Variants in AUTS2 observed in about 807,000 individuals in gnomAD.
AUTS2 encodes activator of transcription and developmental regulator AUTS2, also known as autism susceptibility gene 2 protein.
In AUTS2, 17 loss-of-function variants were observed where a neutral mutation model predicts 112.4. That is an observed-to-expected ratio of 0.15 (90% CI 0.10 to 0.23). AUTS2 has a LOEUF of 0.23. AUTS2 is among the 10% of genes least tolerant of loss of function. The pLI is 1.00. For synonymous variants in AUTS2, 751 were observed against 702.7 expected, an observed-to-expected ratio of 1.07 and a Z score of -1.09; for missense variants, 1,510 against 1,701.6, an observed-to-expected ratio of 0.89 and a Z score of 1.98.
At chr7:70,447,613 G>A (rs1796369162) in intron 5 of AUTS2, among the ~76,000 whole-genome samples, 2 of 152,188 alleles carry the variant, frequency 1.3e-5, no homozygotes, top group Admixed American at 1.3e-4. Flanking sequence ...ACCCAGGTCA[G>A]TGTGGCAGTG....
intron 1 of AUTS2, among the ~76,000 whole-genome samples, chr7:69,665,053 C>G (rs1233645872): frequency 3.9e-5 from 6 of 152,142 alleles, no homozygotes; most frequent in Non-Finnish European, 7.3e-5. Flanking sequence ...TCCCATTTTG[C>G]AAATGGTAAA....
At chr7:69,818,074 G>C (rs1013288208) in intron 1 of AUTS2, among the ~76,000 whole-genome samples, 2 of 152,100 alleles carry the variant, frequency 1.3e-5, no homozygotes, top group African/African-American at 4.8e-5. Flanking sequence ...ATTATTCCTT[G>C]ATGTATGTTG....
chr7:70,790,893 C>T lies in AUTS2; in HGVS notation c.3677C>T (p.Thr1226Met), dbSNP rs755260791. ...ALSAPPPLIS[T>M]LGGRPVSPRR... ...AGCGCACCTCCCCCGCTCATCTCCA[C>T]GCTGGGGGGCCGCCCGGTCTCTCCC... Residue 1226 changes from threonine to methionine, a missense_variant, in exon 19 of 19, where the codon ACG (threonine) becomes ATG (methionine). Thr to Met is a moderately conservative substitution (Grantham distance 81). Transcript: ENST00000342771. This position sits in a 1 kb window ranked among gnomAD's most constrained non-coding sequence, Gnocchi z 7.6. 3 of 1,596,240 alleles carry T rather than the reference C, an allele frequency of 1.9e-6. No homozygotes were observed. The highest frequency in any genetic ancestry group is 1.1e-5 in the South Asian group (1 of 87,760).
chr7:70,280,471 T>A (rs1360299913), intron 4 of AUTS2, among the ~76,000 whole-genome samples: 1 of 135,468 alleles, frequency 7.4e-6, no homozygotes, highest in Non-Finnish European at 1.6e-5. Flanking sequence ...TTTTTTTTTG[T>A]ATTTTTAGCA....
intron 1 of AUTS2, among the ~76,000 whole-genome samples, chr7:69,608,330 C>T (rs1042334680): frequency 1.3e-5 from 2 of 152,178 alleles, no homozygotes; most frequent in South Asian, 2.1e-4. Flanking sequence ...TGAGGGATCT[C>T]ATTTTCCTTG....
chr7:69,786,456 G>C (rs930531426), intron 1 of AUTS2, among the ~76,000 whole-genome samples: 3 of 152,222 alleles, frequency 2.0e-5, no homozygotes, highest in Non-Finnish European at 4.4e-5. Context: ...TAGGACATTG[G>C]TGGGGAAAAA....
intron 1 of AUTS2, among the ~76,000 whole-genome samples, chr7:69,765,928 C>G (rs549723223): frequency 6.6e-6 from 1 of 152,208 alleles, no homozygotes; most frequent in South Asian, 2.1e-4. Context: ...GCCTGGCTGG[C>G]AAAGTGAGAC....
chr7:69,802,450 C>T (rs758923544), intron 1 of AUTS2, among the ~76,000 whole-genome samples: 4 of 152,142 alleles, frequency 2.6e-5, no homozygotes, highest in Non-Finnish European at 5.9e-5. Context: ...TGATTGATAA[C>T]GGAAGGGCTT....
intron 4 of AUTS2, among the ~76,000 whole-genome samples, chr7:70,337,441 T>C (rs1198781209): frequency 1.3e-5 from 2 of 152,204 alleles, no homozygotes; most frequent in Admixed American, 1.3e-4. Flanking sequence ...AGTGATAGCT[T>C]TCAAGATGAC....
chr7:69,934,145 C>A (rs967047990), intron 2 of AUTS2, among the ~76,000 whole-genome samples: 1 of 152,144 alleles, frequency 6.6e-6, no homozygotes. Context: ...TTAGAAAGTT[C>A]AGACTCTTTT....
chr7:70,530,077 C>T (rs1053463909), intron 5 of AUTS2, among the ~76,000 whole-genome samples: 3 of 152,102 alleles, frequency 2.0e-5, no homozygotes, highest in Non-Finnish European at 4.4e-5. Flanking sequence ...AATGCAAGTG[C>T]GTGAATCAAG....
At chr7:69,983,301 T>C (rs978294281) in intron 2 of AUTS2, among the ~76,000 whole-genome samples, 2 of 152,170 alleles carry the variant, frequency 1.3e-5, no homozygotes, top group Admixed American at 1.3e-4. Flanking sequence ...TTATTATAAT[T>C]TGCTAAATTA....
At chr7:69,639,027 G>A (rs1030345600) in intron 1 of AUTS2, among the ~76,000 whole-genome samples, 2 of 152,222 alleles carry the variant, frequency 1.3e-5, no homozygotes, top group African/African-American at 4.8e-5. Flanking sequence ...TTAAAGAGAA[G>A]TTTTAACATT....
chr7:70,635,325 G>T (rs1455028346), intron 5 of AUTS2, among the ~76,000 whole-genome samples: 4 of 152,188 alleles, frequency 2.6e-5, no homozygotes, highest in African/African-American at 9.7e-5. Context: ...TGCCAGTGAG[G>T]CCTTCTGAAC....
At chr7:70,430,009 C>T (rs373628329) in intron 4 of AUTS2, among the ~76,000 whole-genome samples, 1 of 152,090 alleles carries the variant, frequency 6.6e-6, no homozygotes, top group South Asian at 2.1e-4. Context: ...TCAATAAGGA[C>T]TTGGATTAGA....
At chr7:70,508,438 G>A (rs1799056165) in intron 5 of AUTS2, among the ~76,000 whole-genome samples, 1 of 151,934 alleles carries the variant, frequency 6.6e-6, no homozygotes, top group Non-Finnish European at 1.5e-5. Context: ...TCTTAATTTT[G>A]CAGATTAGTA....
intron 5 of AUTS2, among the ~76,000 whole-genome samples, chr7:70,635,034 G>A (rs893382615): frequency 2.6e-5 from 4 of 152,152 alleles, no homozygotes; most frequent in Admixed American, 1.3e-4. Flanking sequence ...ACTTAGTGAC[G>A]TCTGCTGTGT....
At chr7:70,096,397 G>A (rs1804201034) in intron 2 of AUTS2, among the ~76,000 whole-genome samples, 1 of 151,844 alleles carries the variant, frequency 6.6e-6, no homozygotes. Context: ...AGGAGTTGGA[G>A]ACCAGCCTCG....
At chr7:70,174,359 A>G (rs1808870895) in intron 4 of AUTS2, among the ~76,000 whole-genome samples, 1 of 152,214 alleles carries the variant, frequency 6.6e-6, no homozygotes. Flanking sequence ...TAAGAGGTTT[A>G]AGGAAAGGAA....
Sources: allele counts gnomAD v4.1 joint callset (sites outside exome capture counted in the v4.1 genomes callset), GRCh38; gene constraint gnomAD v4.1.1; non-coding constraint Gnocchi (gnomAD v3.1); transcripts MANE v1.5; gene names NCBI Gene and HGNC (gene_info 2026-07-23, HGNC 2026-07-21).